Variants in RTN4RL1 observed in about 807,000 individuals in gnomAD.
RTN4RL1 encodes the protein reticulon 4 receptor like 1.
In RTN4RL1, 7 loss-of-function variants were observed where a neutral mutation model predicts 25.6. The ratio of observed to expected loss-of-function variants is 0.27; its 90% CI spans 0.16 to 0.51. The LOEUF is 0.51. RTN4RL1 is among the 20% of genes least tolerant of loss of function. The pLI is 0.97. For synonymous variants in RTN4RL1, 297 were observed against 288.2 expected (o/e 1.03, Z -0.31); for missense variants, 500 against 615.6 (o/e 0.81, Z 1.99).
chr17:1,957,588 C>T lies in RTN4RL1; in HGVS notation c.14-19780G>A, dbSNP rs537383200. Reference sequence around the variant, plus strand: ...GGGTGCAGTGGCTCACACCTGTAATCCCAGCACTTTGGGAGGCTGAGGCGG... The same window carrying T: ...GGGTGCAGTGGCTCACACCTGTAATTCCAGCACTTTGGGAGGCTGAGGCGG... On this transcript the variant is annotated intron_variant, in intron 1 of 1. Transcript: ENST00000331238. 2.0e-5 allele frequency among the ~76,000 whole-genome samples: 3 copies of T among 152,272 alleles called. No homozygotes were observed. The South Asian group carries it at 6.2e-4, about 32-fold the overall frequency.
rs2151303818 is a variant in RTN4RL1, at chr17:1,937,764, G to A, written c.58C>T (p.Pro20Ser). 1 of 1,601,798 alleles carries A rather than the reference G, an allele frequency of 6.2e-7. No homozygotes were observed. Among genetic ancestry groups the A allele is most frequent in the East Asian group, 2.2e-5 (1 of 44,790 alleles). ...TCCCGTGGGCAGCCACCACCCAGGG[G>A]CAGCTCCGCAGCTACCAACAGCAGC... is the stretch of plus-strand genomic sequence containing the variant. ...LLLLLVAAEL[P>S]LGGGCPRDCV... Residue 20 changes from proline to serine, a missense_variant, in exon 2 of 2, where the codon CCC becomes TCC. Pro to Ser is a moderately conservative substitution (Grantham distance 74, BLOSUM62 -1). Transcript: ENST00000331238.
At chr17:2,003,875 A>G (rs760608160) in intron 1 of RTN4RL1, among the ~76,000 whole-genome samples, 1 of 151,458 alleles carries the variant, frequency 6.6e-6, no homozygotes, top group African/African-American at 2.4e-5. Flanking sequence ...GTTCGAGACC[A>G]GCCTGGCCAA....
chr17:1,947,966 G>A (rs1195488450), intron 1 of RTN4RL1, among the ~76,000 whole-genome samples: 2 of 152,182 alleles, frequency 1.3e-5, no homozygotes, highest in African/African-American at 2.4e-5. Context: ...CCCTCCCTAA[G>A]CCGTGATGAT....
intron 1 of RTN4RL1, among the ~76,000 whole-genome samples, chr17:2,014,984 G>A: frequency 6.6e-6 from 1 of 152,182 alleles, no homozygotes; most frequent in East Asian, 1.9e-4. Flanking sequence ...GATGAAAAAG[G>A]GAATCGCTGA....
chr17:1,980,926 C>CAAAAAAAAAAAAAAAAAAAA (rs71723916), intron 1 of RTN4RL1, among the ~76,000 whole-genome samples: 6 of 87,124 alleles, frequency 6.9e-5, no homozygotes, highest in Non-Finnish European at 1.1e-4. Flanking sequence ...GATTCTATCT[C>CAAAAAAAAAAAAAAAAAAAA]AAAAAAAAAA....
chr17:2,022,139 AC>A (rs2067215754), intron 1 of RTN4RL1, among the ~76,000 whole-genome samples: 1 of 151,504 alleles, frequency 6.6e-6, no homozygotes, highest in Admixed American at 6.6e-5. Context: ...ACATGGCAAA[AC>A]CCCATCTCTA....
intron 1 of RTN4RL1, among the ~76,000 whole-genome samples, chr17:2,022,710 G>C (rs571797541): frequency 1.3e-5 from 2 of 152,260 alleles, no homozygotes; most frequent in African/African-American, 4.8e-5. Context: ...CCCTAGGGGC[G>C]GTCTCCAGGT....
chr17:1,940,488 C>T (rs1915417859), intron 1 of RTN4RL1, among the ~76,000 whole-genome samples: 1 of 152,184 alleles, frequency 6.6e-6, no homozygotes, highest in East Asian at 1.9e-4. Context: ...ACCGTCTCCA[C>T]TTGGAGGCTC....
chr17:1,956,543 AT>A (rs2151308731), intron 1 of RTN4RL1, among the ~76,000 whole-genome samples: 1 of 152,300 alleles, frequency 6.6e-6, no homozygotes, highest in East Asian at 1.9e-4. Flanking sequence ...AACAGGCACG[AT>A]GTTTAGAGAC....
chr17:1,937,791 G>A lies in RTN4RL1; in HGVS notation c.31C>T (p.Leu11=). The change falls in exon 2 of 2, where the codon CTG becomes TTG. Residue 11 remains leucine (L), a synonymous_variant. Transcript: ENST00000331238. MLRKGCCVEL[L]LLLVAAELPL... ...AGCTCCGCAGCTACCAACAGCAGCA[G>A]CAACTCCACACAGCACCCTGGCAGG... is the stretch of plus-strand genomic sequence containing the variant. The A allele has an allele frequency of 1.3e-6, 2 of 1,593,192 alleles. No homozygotes were observed. The highest frequency in any genetic ancestry group is 1.7e-6 in the Non-Finnish European group (2 of 1,174,176).
intron 1 of RTN4RL1, among the ~76,000 whole-genome samples, chr17:1,968,745 G>A (rs545080118): frequency 2.6e-5 from 4 of 152,096 alleles, no homozygotes; most frequent in African/African-American, 7.2e-5. Context: ...CCTCCTTCCC[G>A]CACCTGCCTG....
In RTN4RL1 at chr17:1,941,892, A is replaced by G. The variant is rs961628859; in HGVS notation, c.14-4084T>C. On this transcript the variant is annotated intron_variant, in intron 1 of 1. Coordinates refer to ENST00000331238, the MANE Select transcript of RTN4RL1 (RefSeq NM_178568.4). ...GGGTTTCTCCCAGGGAGGCTGGCGC[A>G]GCTTTGCCACGGCTCCTCTCATGCC... Among the ~76,000 whole-genome samples the G allele has an allele frequency of 3.5e-4, 53 of 152,174 alleles. 1 individual carries two copies. The highest frequency in any genetic ancestry group is 1.2e-3 in the African/African-American group (50 of 41,522).
In RTN4RL1 at chr17:1,991,733, A is replaced by G. The variant is rs574876791; in HGVS notation, c.13+33120T>C. ...GCACACAGAGTCACCCATTCCTCGC[A>G]GCGGAAAATCCCATCGCACGGGGGT... On this transcript the variant is annotated intron_variant, in intron 1 of 1. Transcript: ENST00000331238. Among the ~76,000 whole-genome samples the G allele has an allele frequency of 2.0e-5, 3 of 152,280 alleles. No individual in the cohort carries two copies. In the East Asian group the frequency reaches 5.8e-4, roughly 29 times the overall value.
At chr17:2,020,363 C>T (rs572780804) in intron 1 of RTN4RL1, 7 of 152,306 alleles carry the variant, frequency 4.6e-5, no homozygotes, top group African/African-American at 1.7e-4. Context: ...AGCTCCAAGT[C>T]TTGGTTGCCC....
At chr17:1,979,889 G>C (rs1266988911) in intron 1 of RTN4RL1, among the ~76,000 whole-genome samples, 1 of 152,138 alleles carries the variant, frequency 6.6e-6, no homozygotes, top group African/African-American at 2.4e-5. Flanking sequence ...GAATTGCGTG[G>C]AGAAGGAAAT....
chr17:1,980,188 C>G (rs956875277), intron 1 of RTN4RL1, among the ~76,000 whole-genome samples: 2 of 148,930 alleles, frequency 1.3e-5, no homozygotes, highest in African/African-American at 5.2e-5. Flanking sequence ...CTCAGCCTCC[C>G]AAGTAGCTGG....
intron 1 of RTN4RL1, among the ~76,000 whole-genome samples, chr17:2,021,771 T>C (rs1442806006): frequency 6.7e-6 from 1 of 150,100 alleles, no homozygotes; most frequent in Non-Finnish European, 1.5e-5. Flanking sequence ...GCCAGGCTGG[T>C]CTCGAACTCC....
At chr17:2,022,322 A>T (rs949796433) in intron 1 of RTN4RL1, among the ~76,000 whole-genome samples, 2 of 151,706 alleles carry the variant, frequency 1.3e-5, no homozygotes, top group Non-Finnish European at 2.9e-5. Context: ...TCTCAAAAAA[A>T]ATTTTTTTTT....
intron 1 of RTN4RL1, among the ~76,000 whole-genome samples, chr17:1,958,535 C>T (rs1198257878): frequency 6.6e-6 from 1 of 152,206 alleles, no homozygotes; most frequent in African/African-American, 2.4e-5. Context: ...ATACCATCAT[C>T]GGTATCACAA....
Sources: gnomAD v4.1 joint callset for allele counts (sites outside exome capture counted in the v4.1 genomes callset) on GRCh38, gnomAD v4.1.1 for gene constraint, MANE v1.5 for transcripts, NCBI Gene and HGNC (gene_info 2026-07-23, HGNC 2026-07-21) for gene names.